The following LMAN1 variants were observed in gnomAD, a reference collection of about 807,000 sequenced individuals.
LMAN1 encodes protein ERGIC-53.
In LMAN1, 32 loss-of-function variants were observed where a neutral mutation model predicts 67.8. The ratio of observed to expected loss-of-function variants is 0.47; its 90% CI spans 0.36 to 0.63. The LOEUF (loss-of-function observed/expected upper bound fraction) is 0.63, where lower values mean the gene tolerates loss of function less well. Ranked by LOEUF, LMAN1 falls within the 30% of genes least tolerant of loss-of-function variation. The pLI is 0.00. For missense variants in LMAN1, 632 were observed against 628.2 expected (o/e 1.01, Z -0.06); for synonymous variants, 235 against 219.3 (o/e 1.07, Z -0.63).
At chr18:59,334,299 T>C (rs940616573) in intron 10 of LMAN1, among the ~76,000 whole-genome samples, 5 of 152,236 alleles carry the variant, frequency 3.3e-5, no homozygotes, top group Non-Finnish European at 7.3e-5. Context: ...TCTGCTAACA[T>C]TTATTTCATA....
rs550506045 is a variant in LMAN1 at position 59,355,241 on chromosome 18, C to T, written c.477+72G>A. The T allele has an allele frequency of 6.4e-5, 71 of 1,113,664 alleles. No individual in the cohort carries two copies. In the Admixed American group the frequency reaches 1.1e-3, roughly 17 times the overall value. 69.0% of individuals were successfully genotyped at this position (1,113,664 alleles called of 1,614,324 possible). On this transcript the variant is annotated intron_variant, in intron 3 of 12. Transcript: ENST00000251047. ...CAAACTGATGAAAGCATTGAATAAG[C>T]TATTATTTCTCACAGCCTAACTCTG...
In LMAN1 at chr18:59,353,271, G is replaced by A. The variant is rs975762119; in HGVS notation, c.570C>T (p.Cys190=). ...AGGGTTTGTTGCGGAAGTCCCTCTG[G>A]CAACTTGCCAAAGCTTGACTAGCCC... is the stretch of plus-strand genomic sequence containing the variant. ...NDGASQALAS[C]QRDFRNKPYP... The change falls in exon 5 of 13, where the codon TGC becomes TGT. Residue 190 remains cysteine (C), a synonymous_variant. Coordinates refer to ENST00000251047, the MANE Select transcript of LMAN1 (RefSeq NM_005570.4). The A allele has an allele frequency of 1.9e-6, 3 of 1,613,946 alleles. No individual in the cohort carries two copies. The highest frequency in any genetic ancestry group is 2.5e-6 in the Non-Finnish European group (3 of 1,179,962).
chr18:59,339,221 G>A (rs1267134113), intron 8 of LMAN1, among the ~76,000 whole-genome samples: 1 of 152,076 alleles, frequency 6.6e-6, no homozygotes, highest in East Asian at 1.9e-4. Flanking sequence ...ATCTCAGGAG[G>A]GATCAAAATG....
In LMAN1 at chr18:59,330,758, A is replaced by G; in HGVS notation, c.*335T>C. Reference sequence around the variant, plus strand: ...GAGGGCAAGTGTGTTTACGTTATACAGGGAAACCTGCAATATTGGAGACTT... The same window carrying G: ...GAGGGCAAGTGTGTTTACGTTATACGGGGAAACCTGCAATATTGGAGACTT... On this transcript the variant is annotated 3_prime_UTR_variant, in exon 13 of 13. Transcript: ENST00000251047. 1 of 268,594 alleles carries G rather than the reference A, an allele frequency of 3.7e-6. No individual in the cohort carries two copies. Among genetic ancestry groups the G allele is most frequent in the Non-Finnish European group, 7.1e-6 (1 of 141,764 alleles). 16.6% of individuals were successfully genotyped at this position (268,594 alleles called of 1,614,324 possible).
At chr18:59,343,163 T>C (rs1908326168) in intron 8 of LMAN1, among the ~76,000 whole-genome samples, 1 of 150,794 alleles carries the variant, frequency 6.6e-6, no homozygotes, top group South Asian at 2.1e-4. Flanking sequence ...CACAAACAAA[T>C]GGAAAAGTAT....
chr18:59,335,812 T>G (rs755481535), intron 10 of LMAN1, among the ~76,000 whole-genome samples: 1 of 152,196 alleles, frequency 6.6e-6, no homozygotes. Context: ...CTGGATACTG[T>G]AAAGCTAGAG....
chr18:59,359,226 T>G lies in LMAN1; in HGVS notation c.19A>C (p.Arg7=), dbSNP rs370124183. Residue 7 remains arginine (R), a synonymous_variant, in exon 1 of 13, where the codon AGG becomes CGG. Coordinates refer to ENST00000251047, the MANE Select transcript of LMAN1 (RefSeq NM_005570.4). Reference sequence around the variant, plus strand: ...GGCCGAACTCTGGCCCGGAGACCCCTTTGCCTGGATCCCGCCATCTTGGAT... The same window carrying G: ...GGCCGAACTCTGGCCCGGAGACCCCGTTGCCTGGATCCCGCCATCTTGGAT... MAGSRQ[R]GLRARVRPLF... 4.0e-5 allele frequency: 65 copies of G among 1,613,630 alleles called. 3 individuals are homozygous for G. The South Asian group carries it at 4.9e-4, about 12-fold the overall frequency.
chr18:59,350,509 T>C (rs1436718911), intron 5 of LMAN1, among the ~76,000 whole-genome samples: 2 of 152,232 alleles, frequency 1.3e-5, no homozygotes, highest in Non-Finnish European at 2.9e-5. Context: ...TTTATTTATT[T>C]TTTGAGACAG....
At chr18:59,335,445 A>G (rs928740860) in intron 10 of LMAN1, among the ~76,000 whole-genome samples, 4 of 151,976 alleles carry the variant, frequency 2.6e-5, no homozygotes, top group Non-Finnish European at 5.9e-5. Context: ...AAAGAAAAAA[A>G]AAAAAAGAAA....
chr18:59,348,853 C>G (rs1908477939), intron 6 of LMAN1, among the ~76,000 whole-genome samples: 1 of 152,182 alleles, frequency 6.6e-6, no homozygotes, highest in Admixed American at 6.5e-5. Context: ...AATATGTCTC[C>G]TTCACTATAA....
Position 59,331,500 on chromosome 18 carries a change from A to G in LMAN1, c.1414T>C (p.Phe472Leu). The change falls in exon 12 of 13, where the codon TTT becomes CTT. Residue 472 changes from phenylalanine (F) to leucine (L), a missense_variant. Physicochemically the swap from Phe to Leu is conservative, Grantham distance 22. Transcript: ENST00000251047. ...TGGACCGTAGACAAACATGATGGAAATGGTGGTAGTTCTGGGCATTTCGGC... is the reference window on the plus strand; with the variant it reads ...TGGACCGTAGACAAACATGATGGAAGTGGTGGTAGTTCTGGGCATTTCGGC... ...EKPKCPELPP[F>L]PSCLSTVHFI... 1 of 1,612,830 alleles carries G rather than the reference A, an allele frequency of 6.2e-7. No individual in the cohort carries two copies. The highest frequency in any genetic ancestry group is 8.5e-7 in the Non-Finnish European group (1 of 1,178,948).
intron 2 of LMAN1, 32 bp from the exon 3 acceptor site, chr18:59,355,452 C>A (rs1452077422): frequency 6.2e-7 from 1 of 1,613,848 alleles, no homozygotes; most frequent in South Asian, 1.1e-5. Context: ...CAGTTAGAGG[C>A]TAGTGGTATA....
Position 59,353,227 on chromosome 18 carries a change from A to G in LMAN1, c.614T>C (p.Ile205Thr). Residue 205 changes from isoleucine to threonine, a missense_variant, in exon 5 of 13, where the codon ATT (isoleucine) becomes ACT (threonine). Ile to Thr is a moderately conservative substitution (Grantham distance 89). Transcript: ENST00000251047. ...RNKPYPVRAK[I>T]TYYQNTLTVM... The stretch of plus-strand genomic sequence containing the variant: ...TGTCAGTGTGTTCTGGTAATAGGTA[A>G]TCTTTGCTCGGACAGGATAGGGTTT... 6.2e-7 allele frequency: 1 copy of G among 1,614,028 alleles called. No homozygotes were observed. Among genetic ancestry groups the G allele is most frequent in the Non-Finnish European group, 8.5e-7 (1 of 1,179,916 alleles).
intron 1 of LMAN1, among the ~76,000 whole-genome samples, chr18:59,356,620 CTTTAG>C (rs1236359475): frequency 6.6e-6 from 1 of 152,174 alleles, no homozygotes; most frequent in Non-Finnish European, 1.5e-5. Flanking sequence ...AGCTGAGATA[CTTTAG>C]TAGGATCAGT....
Position 59,355,491 on chromosome 18 carries a change from G to T in LMAN1, c.369+13C>A, listed in dbSNP as rs1302164808. The T allele has an allele frequency of 4.3e-6, 7 of 1,613,918 alleles. No homozygotes were observed. Among genetic ancestry groups the T allele is most frequent in the Non-Finnish European group, 5.9e-6 (7 of 1,179,926 alleles). ...ATTTATGCACATTTTCTAAGTTAAA[G>T]AAATGATCATACTAGGCCATCAGCT... On this transcript the variant is annotated intron_variant, in intron 2 of 12. Transcript: ENST00000251047.
intron 8 of LMAN1, 72 bp downstream of exon 8, chr18:59,345,847 G>T: frequency 1.3e-6 from 2 of 1,568,616 alleles, no homozygotes; most frequent in Non-Finnish European, 8.7e-7. Flanking sequence ...AGGCAACACA[G>T]AGACTCAAGC....
intron 8 of LMAN1, among the ~76,000 whole-genome samples, chr18:59,340,950 C>T (rs1273660372): frequency 1.3e-5 from 2 of 152,062 alleles, no homozygotes; most frequent in African/African-American, 4.8e-5. Context: ...AAATACATGG[C>T]ACAACTATAT....
intron 1 of LMAN1, among the ~76,000 whole-genome samples, chr18:59,358,115 T>C (rs777625960): frequency 4.6e-5 from 7 of 152,220 alleles, no homozygotes; most frequent in South Asian, 2.1e-4. Context: ...AGTGCTACGA[T>C]TGACTCCTTA....
intron 8 of LMAN1, among the ~76,000 whole-genome samples, chr18:59,340,602 C>T (rs1316916189): frequency 4.6e-5 from 7 of 152,178 alleles, no homozygotes; most frequent in East Asian, 1.9e-4. Flanking sequence ...TGGGGAAATC[C>T]GTCATTACCA....
Sources: allele counts gnomAD v4.1 joint callset (sites outside exome capture counted in the v4.1 genomes callset), GRCh38; gene constraint gnomAD v4.1.1; transcripts MANE v1.5; gene names NCBI Gene and HGNC (gene_info 2026-07-23, HGNC 2026-07-21).